WIPF1: variants seen among roughly 807,000 people sequenced by gnomAD.
The protein encoded by WIPF1 is WAS/WASL interacting protein family member 1, also known as WAS/WASL-interacting protein family member 1.
Under a neutral mutation model 35.4 loss-of-function variants are expected in WIPF1, and 13 were observed. The observed-to-expected ratio is 0.37, with a 90% CI of 0.24 to 0.58. WIPF1 has a LOEUF of 0.58. WIPF1 is among the 20% of genes least tolerant of loss of function. The pLI is 0.74. For missense variants in WIPF1, 591 were observed against 667.0 expected, an observed-to-expected ratio of 0.89 and a Z score of 1.25; for synonymous variants, 267 against 266.3, an observed-to-expected ratio of 1.00 and a Z score of -0.02.
At chr2:174,624,662 C>G (rs1404920808) in intron 1 of WIPF1, among the ~76,000 whole-genome samples, 2 of 152,194 alleles carry the variant, frequency 1.3e-5, no homozygotes, top group African/African-American at 4.8e-5. Context: ...GATGCTGGAG[C>G]AGGGTCCAGG....
At chr2:174,581,213 A>AAAAAT (rs1685231020) in intron 3 of WIPF1, 97 bp downstream of exon 3, 1 of 1,509,318 alleles carries the variant, frequency 6.6e-7, no homozygotes, top group South Asian at 1.4e-5. Flanking sequence ...TTGTTAACCA[A>AAAAAT]AAAATAAAAT....
At chr2:174,567,719 A>G (rs1320904423) in intron 6 of WIPF1, 142 bp downstream of exon 6, 7 of 875,750 alleles carry the variant, frequency 8.0e-6, no homozygotes, top group Non-Finnish European at 1.1e-5. Context: ...GGGCCTTAGA[A>G]TGGTTAGATA....
At chr2:174,611,346 T>G (rs1403109942) in intron 1 of WIPF1, among the ~76,000 whole-genome samples, 2 of 152,158 alleles carry the variant, frequency 1.3e-5, no homozygotes, top group Non-Finnish European at 2.9e-5. Flanking sequence ...GTCGTTTCAA[T>G]CCAAGGACCA....
At chr2:174,679,789 CTTAAG>C (rs1688212532) in intron 1 of WIPF1, among the ~76,000 whole-genome samples, 1 of 152,202 alleles carries the variant, frequency 6.6e-6, no homozygotes, top group Admixed American at 6.5e-5. Context: ...AAGGGACAGA[CTTAAG>C]TTATTTTGAC....
chr2:174,566,235 C>CGGTTTTG (rs1684655440), intron 7 of WIPF1: 1 of 152,096 alleles, frequency 6.6e-6, no homozygotes, highest in African/African-American at 2.4e-5. Context: ...CCAGCAAAAC[C>CGGTTTTG]CTGGAAAGCC....
chr2:174,643,413 T>G (rs896929651), intron 1 of WIPF1, among the ~76,000 whole-genome samples: 4 of 148,092 alleles, frequency 2.7e-5, no homozygotes, highest in East Asian at 1.9e-4. Flanking sequence ...TATATGTATT[T>G]TGTGTGTGTG....
intron 4 of WIPF1, among the ~76,000 whole-genome samples, chr2:174,573,271 G>GA (rs5836465): frequency 0.28 from 39,422 of 138,372 alleles, 5,895 homozygotes; most frequent in Middle Eastern, 0.36. Flanking sequence ...AGGTAATTCT[G>GA]AAAAAAAAAA....
Position 174,572,455 on chromosome 2 carries a change from C to T in WIPF1, c.359-9G>A. On this transcript the variant is annotated splice_polypyrimidine_tract_variant and intron_variant, in intron 4 of 7. Transcript: ENST00000679041. ...TCGGCTTCCTCCAGAATCTGAAGAACAGGAAAACAAACATCAGTTAGGAAA... is the reference window on the plus strand; with the variant it reads ...TCGGCTTCCTCCAGAATCTGAAGAATAGGAAAACAAACATCAGTTAGGAAA... 1 of 1,614,050 alleles carries T rather than the reference C, an allele frequency of 6.2e-7. No homozygotes were observed. The highest frequency in any genetic ancestry group is 8.5e-7 in the Non-Finnish European group (1 of 1,180,000).
intron 1 of WIPF1, among the ~76,000 whole-genome samples, chr2:174,617,998 A>AATAAGGCTTTGAAAAGGAAT (rs1686563563): frequency 1.3e-5 from 2 of 152,246 alleles, no homozygotes; most frequent in African/African-American, 4.8e-5. Flanking sequence ...AACGGTAACT[A>AATAAGGCTTTGAAAAGGAAT]ATAAGGCTTT....
rs746570639 is a variant in WIPF1 at position 174,572,313 on chromosome 2, A to G, written c.492T>C (p.Pro164=). The G allele has an allele frequency of 6.2e-7, 1 of 1,613,850 alleles. No individual in the cohort carries two copies. Among genetic ancestry groups the G allele is most frequent in the Middle Eastern group, 1.6e-4 (1 of 6,062 alleles). The part of the protein sequence containing the change: ...SPGHRSGPPE[P]QRNRMPPPRP... ...TTGGGGGCGGCATTCGGTTCCTCTG[A>G]GGCTCTGGGGGACCACTTCTGTGGC... The change falls in exon 5 of 8, where the codon CCT becomes CCC. Residue 164 remains proline, a synonymous_variant. Coordinates refer to ENST00000679041, the MANE Select transcript of WIPF1 (RefSeq NM_001375834.1).
intron 1 of WIPF1, among the ~76,000 whole-genome samples, chr2:174,667,513 C>T (rs1687917537): frequency 6.6e-6 from 1 of 152,170 alleles, no homozygotes; most frequent in Non-Finnish European, 1.5e-5. Flanking sequence ...TGATAAAGAG[C>T]TGATCTCCTC....
intron 1 of WIPF1, among the ~76,000 whole-genome samples, chr2:174,648,397 C>A (rs1271920318): frequency 6.6e-6 from 1 of 152,168 alleles, no homozygotes; most frequent in East Asian, 1.9e-4. Flanking sequence ...CATCTGCATA[C>A]AGAAATGATC....
At chr2:174,573,858 A>G (rs1684955381) in intron 4 of WIPF1, among the ~76,000 whole-genome samples, 1 of 151,368 alleles carries the variant, frequency 6.6e-6, no homozygotes, top group Admixed American at 6.6e-5. Context: ...TATACAGTGG[A>G]GTATCATGAA....
At chr2:174,632,658 G>C (rs796164430) in intron 1 of WIPF1, among the ~76,000 whole-genome samples, 2 of 138,890 alleles carry the variant, frequency 1.4e-5, no homozygotes, top group African/African-American at 2.7e-5. Flanking sequence ...GCAGTGAGCC[G>C]AGACGGTGCC....
At chr2:174,672,073 T>C (rs1246030184) in intron 1 of WIPF1, among the ~76,000 whole-genome samples, 1 of 152,156 alleles carries the variant, frequency 6.6e-6, no homozygotes, top group Non-Finnish European at 1.5e-5. Context: ...CTCCCCCAGA[T>C]ACCCAGCTTT....
rs548529480 is a variant in WIPF1, at chr2:174,678,719, C to T, written c.-39+4055G>A. Among the ~76,000 whole-genome samples, 36 of 152,366 alleles carry T rather than the reference C, an allele frequency of 2.4e-4. No individual in the cohort carries two copies. In the South Asian group the frequency reaches 7.0e-3, roughly 30 times the overall value. On this transcript the variant is annotated intron_variant, in intron 1 of 8. Coordinates refer to the WIPF1 transcript ENST00000272746. ...AGTGTCAAAGGGCCAGGAAAAGTGA[C>T]AAGTCTGGTTTTTGCTTCCTCATCC...
chr2:174,642,291 A>AT (rs1414933609), intron 1 of WIPF1, among the ~76,000 whole-genome samples: 1 of 141,218 alleles, frequency 7.1e-6, no homozygotes, highest in Non-Finnish European at 1.5e-5. Context: ...TTTTTATGTT[A>AT]TTTTAAATTC....
intron 1 of WIPF1, chr2:174,677,252 C>A (rs959314534): frequency 2.0e-5 from 3 of 152,150 alleles, no homozygotes; most frequent in African/African-American, 4.8e-5. Context: ...TACTCTTCTG[C>A]AAAACAAAGA....
intron 1 of WIPF1, among the ~76,000 whole-genome samples, chr2:174,636,148 T>C (rs1687178365): frequency 6.6e-6 from 1 of 152,192 alleles, no homozygotes; most frequent in Admixed American, 6.5e-5. Context: ...ACTACATAGA[T>C]GAAAAATGAT....
Sources: allele counts gnomAD v4.1 joint callset (sites outside exome capture counted in the v4.1 genomes callset), GRCh38; gene constraint gnomAD v4.1.1; transcripts MANE v1.5; gene names NCBI Gene and HGNC (gene_info 2026-07-23, HGNC 2026-07-21).